The following CD44 variants were observed in gnomAD, a reference collection of about 807,000 sequenced individuals.
CD44 encodes the protein CD44 antigen.
In CD44, 49 loss-of-function variants were observed where a neutral mutation model predicts 88.8. The observed-to-expected ratio is 0.55, with a 90% confidence interval of 0.44 to 0.70. The LOEUF (loss-of-function observed/expected upper bound fraction) is 0.70, where lower values mean the gene tolerates loss of function less well. Ranked by LOEUF, CD44 falls within the 30% of genes least tolerant of loss-of-function variation. CD44 has a pLI of 0.00. For synonymous variants in CD44, 325 were observed against 312.3 expected, an observed-to-expected ratio of 1.04 and a Z score of -0.43; for missense variants, 883 against 913.8, an observed-to-expected ratio of 0.97 and a Z score of 0.43.
At chr11:35,158,050 G>A (rs1942135970) in intron 1 of CD44, among the ~76,000 whole-genome samples, 1 of 152,128 alleles carries the variant, frequency 6.6e-6, no homozygotes, top group African/African-American at 2.4e-5. Context: ...CCTGTTCTTT[G>A]TATTGTTTGG....
chr11:35,200,075 G>C (rs1462340810), intron 7 of CD44, among the ~76,000 whole-genome samples: 1 of 151,530 alleles, frequency 6.6e-6, no homozygotes, highest in African/African-American at 2.4e-5. Context: ...TTCTGGAGGG[G>C]TGTGATAACT....
At chr11:35,155,193 A>G (rs889163701) in intron 1 of CD44, among the ~76,000 whole-genome samples, 3 of 152,222 alleles carry the variant, frequency 2.0e-5, no homozygotes, top group Non-Finnish European at 4.4e-5. Flanking sequence ...AGCTTGGACC[A>G]CAGTGCTTGA....
At chr11:35,224,252 T>C (rs1036334246) in intron 17 of CD44, among the ~76,000 whole-genome samples, 1 of 152,206 alleles carries the variant, frequency 6.6e-6, no homozygotes, top group East Asian at 1.9e-4. Context: ...ATTACTTCTT[T>C]AGGTTTTTCC....
chr11:35,222,845 C>G, intron 17 of CD44: 1 of 985,154 alleles, frequency 1.0e-6, no homozygotes, highest in Non-Finnish European at 1.2e-6. Flanking sequence ...CCAAGCAGGA[C>G]CACCTTTATT....
Position 35,139,357 on chromosome 11 carries a change from C to A in CD44, c.54C>A (p.Ser18Arg). 6.4e-7 allele frequency: 1 copy of A among 1,560,232 alleles called. No individual in the cohort carries two copies. Among genetic ancestry groups the A allele is most frequent in the Non-Finnish European group, 8.7e-7 (1 of 1,151,652 alleles). Residue 18 changes from serine (S) to arginine (R), a missense_variant, in exon 1 of 18, where the codon AGC becomes AGA. Physicochemically the swap from Ser to Arg is moderately radical, Grantham distance 110. This residue lies in a region of CD44 where 252 missense variants were observed against 322.9 expected (regional missense o/e 0.78). Coordinates refer to ENST00000428726, the MANE Select transcript of CD44 (RefSeq NM_000610.4). ...GGGGACTCTGCCTCGTGCCGCTGAGCCTGGCGCAGATCGGTGAGTGCCCGC... is the reference window on the plus strand; with the variant it reads ...GGGGACTCTGCCTCGTGCCGCTGAGACTGGCGCAGATCGGTGAGTGCCCGC... ...AAWGLCLVPL[S>R]LAQIDLNITC...
chr11:35,201,577 G>A lies in CD44; in HGVS notation c.1037-94G>A, dbSNP rs1211601872. ...TGCTCAGAGGTAACACTTTGGCATAGAATTGTTAAATAGCATGCACTTTAA... is the reference window on the plus strand; with the variant it reads ...TGCTCAGAGGTAACACTTTGGCATAAAATTGTTAAATAGCATGCACTTTAA... On this transcript the variant is annotated intron_variant, in intron 8 of 17. Coordinates refer to ENST00000428726, the MANE Select transcript of CD44 (RefSeq NM_000610.4). 5.4e-6 allele frequency: 8 copies of A among 1,491,356 alleles called. No individual in the cohort carries two copies. The Admixed American group carries it at 5.4e-5, about 10-fold the overall frequency. The allele number at this position is 1,491,356 out of a possible 1,614,324, so 92.4% of individuals were successfully genotyped here.
intron 12 of CD44, 75 bp from the exon 13 acceptor site, chr11:35,209,890 T>C (rs1948233941): frequency 1.0e-6 from 1 of 953,768 alleles, no homozygotes; most frequent in East Asian, 2.7e-5. Context: ...TCTAGCTAGA[T>C]TTTCCTTGCT....
chr11:35,172,174 C>T (rs1267175266), intron 1 of CD44, among the ~76,000 whole-genome samples: 1 of 152,182 alleles, frequency 6.6e-6, no homozygotes, highest in Non-Finnish European at 1.5e-5. Context: ...TTGACTTGTC[C>T]ACTTTTGCTT....
chr11:35,187,974 G>A (rs1413508063), intron 4 of CD44, among the ~76,000 whole-genome samples: 2 of 152,192 alleles, frequency 1.3e-5, no homozygotes, highest in Admixed American at 1.3e-4. Flanking sequence ...CAAAGTGCCA[G>A]GATTACAGGC....
intron 1 of CD44, among the ~76,000 whole-genome samples, chr11:35,165,533 C>G (rs903327055): frequency 3.3e-5 from 5 of 152,180 alleles, no homozygotes; most frequent in African/African-American, 9.7e-5. Context: ...AATAGCAAAG[C>G]CTGATGTACT....
chr11:35,183,491 T>A (rs1020252434), intron 3 of CD44, among the ~76,000 whole-genome samples: 1 of 152,178 alleles, frequency 6.6e-6, no homozygotes, highest in African/African-American at 2.4e-5. Flanking sequence ...ATTGCAAGGA[T>A]CCCTGAATCT....
At position 35,232,338 on chromosome 11, in the gene CD44, G is replaced by A. The variant is rs1482707269; in HGVS notation, c.*3005G>A. 6.6e-6 allele frequency: 1 copy of A among 152,540 alleles called. No individual in the cohort carries two copies. Among genetic ancestry groups the A allele is most frequent in the Non-Finnish European group, 1.5e-5 (1 of 68,036 alleles). 9.4% of individuals were successfully genotyped at this position (152,540 alleles called of 1,614,324 possible). A position where few individuals can be genotyped will look rare whatever the true frequency, so the allele number is the denominator to read the frequency against. ...ATGAGGAAAGCATGATATGTATATT[G>A]CTGAGTTGAAAGCACTTATTGGAAA... is the stretch of plus-strand genomic sequence containing the variant. On this transcript the variant is annotated 3_prime_UTR_variant, in exon 18 of 18. Transcript: ENST00000428726.
intron 2 of CD44, among the ~76,000 whole-genome samples, chr11:35,179,075 A>C (rs1012064466): frequency 3.3e-5 from 5 of 152,178 alleles, no homozygotes; most frequent in Non-Finnish European, 7.4e-5. Context: ...GCTTTGGGGA[A>C]ACCAGTTTGT....
chr11:35,221,634 A>G lies in CD44; in HGVS notation c.1946-20A>G, dbSNP rs770322699. 3 of 1,607,186 alleles carry G rather than the reference A, an allele frequency of 1.9e-6. No homozygotes were observed. Among genetic ancestry groups the G allele is most frequent in the South Asian group, 2.2e-5 (2 of 90,954 alleles). ...TGTGTCTCTGAAGCTCACGCATGTC[A>G]TTTAATTTACTCATACCAGAATGGC... On this transcript the variant is annotated intron_variant, in intron 16 of 17. Transcript: ENST00000428726.
chr11:35,217,919 A>G (rs1255298207), intron 15 of CD44, among the ~76,000 whole-genome samples: 1 of 152,080 alleles, frequency 6.6e-6, no homozygotes, highest in Non-Finnish European at 1.5e-5. Flanking sequence ...GATGTCTTAG[A>G]AGTTTCTTTT....
intron 1 of CD44, among the ~76,000 whole-genome samples, chr11:35,149,036 G>C (rs1294771979): frequency 2.0e-5 from 3 of 152,220 alleles, no homozygotes; most frequent in Non-Finnish European, 4.4e-5. Context: ...GGCAGGGGAA[G>C]TTTAGAGCTA....
intron 17 of CD44, among the ~76,000 whole-genome samples, chr11:35,227,254 C>G (rs541023701): frequency 6.6e-6 from 1 of 152,160 alleles, no homozygotes; most frequent in Non-Finnish European, 1.5e-5. Flanking sequence ...GGCACAAACA[C>G]AGCTCACTGC....
chr11:35,177,434 C>T (rs1245250962), intron 2 of CD44, among the ~76,000 whole-genome samples: 6 of 152,294 alleles, frequency 3.9e-5, no homozygotes, highest in Admixed American at 2.6e-4. Flanking sequence ...AAGAGCAAGC[C>T]ACGGTGGCAA....
At chr11:35,222,857 T>A in intron 17 of CD44, 1 of 985,294 alleles carries the variant, frequency 1.0e-6, no homozygotes, top group Non-Finnish European at 1.2e-6. Context: ...ACCTTTATTG[T>A]GTCCCCAGAT....
Sources: allele counts gnomAD v4.1 joint callset (sites outside exome capture counted in the v4.1 genomes callset), GRCh38; gene constraint gnomAD v4.1.1; regional missense constraint gnomAD v4.1.1; transcripts MANE v1.5; gene names NCBI Gene and HGNC (gene_info 2026-07-23, HGNC 2026-07-21).